KIF13A: variants seen among roughly 807,000 people sequenced by gnomAD.
KIF13A encodes kinesin family member 13A.
In KIF13A, 79 loss-of-function variants were observed where a neutral mutation model predicts 212.2. The ratio of observed to expected loss-of-function variants is 0.37; its 90% CI spans 0.31 to 0.45. KIF13A has a LOEUF of 0.45. KIF13A is among the 20% of genes least tolerant of loss of function. The probability of loss-of-function intolerance (pLI) is 1.00; values close to 1 mark genes in which losing one functional copy is unlikely to be tolerated. For synonymous variants in KIF13A, 789 were observed against 808.6 expected, an observed-to-expected ratio of 0.98 and a Z score of 0.41; for missense variants, 1,901 against 2,209.0, an observed-to-expected ratio of 0.86 and a Z score of 2.79.
At chr6:17,805,665 A>C (rs371672880) in intron 18 of KIF13A, 50 bp from the exon 19 acceptor site, 3 of 1,520,364 alleles carry the variant, frequency 2.0e-6, no homozygotes, top group Non-Finnish European at 2.7e-6. Context: ...TCCTTTTTCG[A>C]TTGCTAAAGC....
Position 17,849,196 on chromosome 6 carries a change from C to A in KIF13A, c.830+181G>T, listed in dbSNP as rs1381945845. Among the ~76,000 whole-genome samples the A allele has an allele frequency of 2.6e-5, 4 of 152,172 alleles. No individual in the cohort carries two copies. The highest frequency in any genetic ancestry group is 6.5e-5 in the Admixed American group (1 of 15,282). On this transcript the variant is annotated intron_variant, in intron 9 of 38. Transcript: ENST00000259711. The surrounding 1 kb of genome is among the most constrained non-coding windows in gnomAD (Gnocchi z 5.7). The stretch of plus-strand genomic sequence containing the variant: ...GGGATTACAGGCATGAGCCACCGTG[C>A]CTGGCCAAAAACCTCATACATCTTA...
At chr6:17,857,093 GA>G (rs1379232128) in intron 4 of KIF13A, among the ~76,000 whole-genome samples, 2 of 152,126 alleles carry the variant, frequency 1.3e-5, no homozygotes, top group African/African-American at 4.8e-5. Flanking sequence ...TTTTACATTT[GA>G]AAATAATGTA....
intron 2 of KIF13A, among the ~76,000 whole-genome samples, chr6:17,944,954 A>G (rs1777259566): frequency 6.6e-6 from 1 of 152,172 alleles, no homozygotes; most frequent in African/African-American, 2.4e-5. Flanking sequence ...CTAAGCTACA[A>G]GAAAACAGAG....
rs1025551519 is a variant in KIF13A, at chr6:17,872,113, G to A, written c.220+1264C>T. Among the ~76,000 whole-genome samples the A allele has an allele frequency of 6.6e-6, 1 of 152,082 alleles. No individual in the cohort carries two copies. The highest frequency in any genetic ancestry group is 1.5e-5 in the Non-Finnish European group (1 of 68,020). On this transcript the variant is annotated intron_variant, in intron 4 of 38. Coordinates refer to ENST00000259711, the MANE Select transcript of KIF13A (RefSeq NM_022113.6). The surrounding 1 kb of genome is among the most constrained non-coding windows in gnomAD (Gnocchi z 4.7). ...TGCTCAAGTTGTAGGAATGATATTT[G>A]GAAAGGCTAATTTACCCAGTGTGAG...
chr6:17,878,496 G>A (rs1359928516), intron 3 of KIF13A, among the ~76,000 whole-genome samples: 2 of 149,600 alleles, frequency 1.3e-5, no homozygotes, highest in Non-Finnish European at 1.5e-5. Context: ...TGCCAAGGCT[G>A]GTCTTAACTT....
At chr6:17,797,532 A>T (rs369853819) in intron 22 of KIF13A, among the ~76,000 whole-genome samples, 1 of 152,130 alleles carries the variant, frequency 6.6e-6, no homozygotes, top group East Asian at 1.9e-4. Flanking sequence ...AACAGAATTA[A>T]ATTTTATATG....
chr6:17,779,257 A>ATATTTT (rs1561961153), intron 32 of KIF13A, among the ~76,000 whole-genome samples, 158 bp from the exon 33 acceptor site: 1 of 37,850 alleles, frequency 2.6e-5, no homozygotes, highest in African/African-American at 1.2e-4. Flanking sequence ...ATATATATAT[A>ATATTTT]TTTTTTTTTT....
At chr6:17,981,108 CAAAA>C (rs1268381617) in intron 2 of KIF13A, among the ~76,000 whole-genome samples, 1 of 147,008 alleles carries the variant, frequency 6.8e-6, no homozygotes, top group Non-Finnish European at 1.5e-5. Context: ...AAGAAAAAAA[CAAAA>C]ACCCAGAGCC....
chr6:17,945,383 G>T (rs962333407), intron 2 of KIF13A, among the ~76,000 whole-genome samples: 1 of 152,082 alleles, frequency 6.6e-6, no homozygotes, highest in Non-Finnish European at 1.5e-5. Context: ...AGAAACAAGA[G>T]GATTGTTTCT....
chr6:17,847,482 T>C (rs2150394940), intron 9 of KIF13A, among the ~76,000 whole-genome samples: 1 of 152,344 alleles, frequency 6.6e-6, no homozygotes, highest in East Asian at 1.9e-4. Context: ...ACTATTTTAC[T>C]TCTAATTTTT....
downstream of KIF13A, among the ~76,000 whole-genome samples, chr6:17,763,023 C>CT (rs2150279623): frequency 6.6e-6 from 1 of 152,320 alleles, no homozygotes; most frequent in Non-Finnish European, 1.5e-5. Flanking sequence ...AGCCATGACT[C>CT]TCCCATGCCT....
Position 17,771,889 on chromosome 6 carries a change from A to C in KIF13A, c.4476+19T>G. 1 of 1,613,456 alleles carries C rather than the reference A, an allele frequency of 6.2e-7. No homozygotes were observed. Among genetic ancestry groups the C allele is most frequent in the Non-Finnish European group, 8.5e-7 (1 of 1,179,462 alleles). ...AACTCTGCTCTATTCTGCATAGTAC[A>C]GACAAGTCAAGCATTTACCTCCTGG... On this transcript the variant is annotated intron_variant, in intron 37 of 38. Transcript: ENST00000259711. This position sits in a 1 kb window ranked among gnomAD's most constrained non-coding sequence, Gnocchi z 5.4.
chr6:17,765,084 G>A (rs2150282583), intron 38 of KIF13A, 138 bp from the exon 39 acceptor site: 1 of 658,772 alleles, frequency 1.5e-6, no homozygotes, highest in African/African-American at 1.8e-5. Context: ...TCCAAATTTG[G>A]CCAGATCTTG....
chr6:17,853,910 T>G (rs1767901674), intron 6 of KIF13A, among the ~76,000 whole-genome samples: 1 of 152,086 alleles, frequency 6.6e-6, no homozygotes, highest in African/African-American at 2.4e-5. Flanking sequence ...ATTTATTTAT[T>G]TATTTATTTA....
chr6:17,889,115 C>T (rs1050467262), intron 3 of KIF13A, among the ~76,000 whole-genome samples: 30 of 152,268 alleles, frequency 2.0e-4, no homozygotes, highest in Non-Finnish European at 3.8e-4. Context: ...AAGGCAGTCA[C>T]AGATTGTGAA....
At chr6:17,955,563 A>T (rs1021337488) in intron 2 of KIF13A, among the ~76,000 whole-genome samples, 1 of 152,228 alleles carries the variant, frequency 6.6e-6, no homozygotes, top group Non-Finnish European at 1.5e-5. Flanking sequence ...TGCATTCACT[A>T]TATTGGATGT....
intron 2 of KIF13A, among the ~76,000 whole-genome samples, chr6:17,945,573 A>G (rs1340395726): frequency 6.6e-6 from 1 of 152,230 alleles, no homozygotes; most frequent in East Asian, 1.9e-4. Flanking sequence ...AAGATGCAAA[A>G]ACCTTAAAGA....
chr6:17,804,535 G>A (rs1762765581), intron 19 of KIF13A, 25 bp from the exon 20 acceptor site: 2 of 1,541,760 alleles, frequency 1.3e-6, no homozygotes, highest in African/African-American at 1.4e-5. Context: ...GGGCCAGTGA[G>A]TGGACGAATA....
chr6:17,785,471 T>C lies in KIF13A; in HGVS notation c.3488+44A>G, dbSNP rs902506895. The C allele has an allele frequency of 6.8e-7, 1 of 1,470,084 alleles. No individual in the cohort carries two copies. Among genetic ancestry groups the C allele is most frequent in the South Asian group, 1.5e-5 (1 of 68,876 alleles). The allele number at this position is 1,470,084 out of a possible 1,614,324, so 91.1% of individuals were successfully genotyped here. On this transcript the variant is annotated intron_variant, in intron 28 of 38. Transcript: ENST00000259711. This position sits in a 1 kb window ranked among gnomAD's most constrained non-coding sequence, Gnocchi z 5.8. ...TGCATGGCTCTTGCCACAGGCGACC[T>C]GTACCATCTCCCCAGGTCTGCACAG...
Sources: gnomAD v4.1 joint callset for allele counts (sites outside exome capture counted in the v4.1 genomes callset) on GRCh38, gnomAD v4.1.1 for gene constraint, Gnocchi (gnomAD v3.1) non-coding constraint, MANE v1.5 for transcripts, NCBI Gene and HGNC (gene_info 2026-07-23, HGNC 2026-07-21) for gene names.